FTO: variants seen among roughly 807,000 people sequenced by gnomAD.
FTO encodes alpha-ketoglutarate-dependent dioxygenase FTO.
In FTO, 47 loss-of-function variants were observed where a neutral mutation model predicts 63.9. The observed-to-expected ratio is 0.74, with a 90% CI of 0.58 to 0.94. The LOEUF (loss-of-function observed/expected upper bound fraction) is 0.94, where lower values mean the gene tolerates loss of function less well. Among genes scored for constraint, FTO ranks in the 40% least tolerant of loss-of-function variants. The pLI, the probability that FTO is intolerant of heterozygous loss-of-function variation, is 0.00. For synonymous variants in FTO, 207 were observed against 224.4 expected (o/e 0.92, Z 0.69); for missense variants, 562 against 618.1 (o/e 0.91, Z 0.96).
At position 53,825,110 on chromosome 16, in the gene FTO, C is replaced by G. The variant is rs536739467; in HGVS notation, c.124-754C>G. Among the ~76,000 whole-genome samples, 17 of 152,292 alleles carry G rather than the reference C, an allele frequency of 1.1e-4. 1 individual carries two copies. Among genetic ancestry groups the G allele is most frequent in the African/African-American group, 4.1e-4 (17 of 41,558 alleles). ...CAAATCCATTTATTCATTCCTTTAC[C>G]ATTTACTGAGTAAATTCTGGGCACT... On this transcript the variant is annotated intron_variant, in intron 2 of 8. Coordinates refer to ENST00000471389, the MANE Select transcript of FTO (RefSeq NM_001080432.3).
At chr16:53,914,280 T>G (rs766261938) in intron 7 of FTO, among the ~76,000 whole-genome samples, 8 of 152,014 alleles carry the variant, frequency 5.3e-5, no homozygotes, top group Non-Finnish European at 7.4e-5. Context: ...TTGTCCTGTT[T>G]CAAATTCTGT....
At chr16:53,757,499 G>A (rs1077129) in intron 1 of FTO, among the ~76,000 whole-genome samples, 58,890 of 151,098 alleles carry the variant, frequency 0.39, 12,183 homozygotes, top group Middle Eastern at 0.47. Flanking sequence ...TAATATGTGT[G>A]TATATATGAA....
intron 8 of FTO, chr16:54,008,393 C>T (rs1185917300): frequency 1.4e-5 from 2 of 141,070 alleles, no homozygotes; most frequent in Non-Finnish European, 3.0e-5. Context: ...TGTATGTTAC[C>T]TCACAATTTT....
Position 53,844,282 on chromosome 16 carries a change from C to CT in FTO, c.880dup (p.Cys294LeufsTer6). On this transcript the variant is annotated frameshift_variant, in exon 4 of 9. Transcript: ENST00000471389. LOFTEE classifies it high-confidence loss of function. ...TGGCGATACCCCTTCACCAAGGAGA[C>CT]TGCTATTTCATGCTTGGTAATCTTT... The CT allele has an allele frequency of 6.2e-7, 1 of 1,613,214 alleles. No individual in the cohort carries two copies. The highest frequency in any genetic ancestry group is 8.5e-7 in the Non-Finnish European group (1 of 1,179,224).
intron 3 of FTO, 137 bp from the exon 4 acceptor site, chr16:53,844,018 A>G: frequency 1.4e-6 from 1 of 710,674 alleles, no homozygotes; most frequent in South Asian, 2.0e-5. Flanking sequence ...TTTTAAAAAT[A>G]TGACATAAAG....
chr16:53,807,308 T>C (rs2078398871), intron 1 of FTO, among the ~76,000 whole-genome samples: 1 of 152,240 alleles, frequency 6.6e-6, no homozygotes, highest in African/African-American at 2.4e-5. Flanking sequence ...AGATCAATTA[T>C]ATGCTGCTTG....
At chr16:53,840,352 AATT>A (rs2079440046) in intron 3 of FTO, among the ~76,000 whole-genome samples, 2 of 152,154 alleles carry the variant, frequency 1.3e-5, no homozygotes, top group African/African-American at 4.8e-5. Flanking sequence ...ATTTAGCATT[AATT>A]ATTATACTGT....
At chr16:53,717,414 C>T (rs895495471) in intron 1 of FTO, among the ~76,000 whole-genome samples, 2 of 151,896 alleles carry the variant, frequency 1.3e-5, no homozygotes, top group African/African-American at 2.4e-5. Flanking sequence ...TTATATTGGC[C>T]AAATATAGTT....
intron 2 of FTO, among the ~76,000 whole-genome samples, chr16:53,823,761 C>T (rs2078929220): frequency 6.6e-6 from 1 of 152,120 alleles, no homozygotes; most frequent in South Asian, 2.1e-4. Flanking sequence ...TGGCGCATGC[C>T]TGTAATCTCA....
At chr16:53,894,910 G>GT (rs1344481936) in intron 7 of FTO, among the ~76,000 whole-genome samples, 1 of 152,140 alleles carries the variant, frequency 6.6e-6, no homozygotes, top group Non-Finnish European at 1.5e-5. Context: ...CAAAAATTCA[G>GT]TTTCTGAAAC....
intron 8 of FTO, among the ~76,000 whole-genome samples, chr16:54,035,014 G>A (rs1341662829): frequency 6.6e-6 from 1 of 152,146 alleles, no homozygotes; most frequent in Non-Finnish European, 1.5e-5. Flanking sequence ...AACCTGTTTT[G>A]TGTGCTGTAA....
intron 8 of FTO, among the ~76,000 whole-genome samples, chr16:53,990,342 G>C (rs2143896646): frequency 6.6e-6 from 1 of 152,294 alleles, no homozygotes; most frequent in East Asian, 1.9e-4. Context: ...AGATGAGGAT[G>C]CTAAAATTTG....
intron 1 of FTO, among the ~76,000 whole-genome samples, chr16:53,753,722 T>C (rs1478542581): frequency 6.6e-6 from 1 of 152,212 alleles, no homozygotes; most frequent in Non-Finnish European, 1.5e-5. Flanking sequence ...TTTAGCTATC[T>C]CTGACAAAGA....
At chr16:54,071,333 G>A (rs2085863034) in intron 8 of FTO, 1 of 152,214 alleles carries the variant, frequency 6.6e-6, no homozygotes, top group South Asian at 2.1e-4. Flanking sequence ...TAGCTGTCAG[G>A]AGTGGGACCA....
intron 8 of FTO, among the ~76,000 whole-genome samples, chr16:54,026,971 A>G (rs7199433): frequency 0.14 from 20,545 of 152,090 alleles, 2,940 homozygotes; most frequent in African/African-American, 0.36. Context: ...AAGCACTTTT[A>G]TCCCCAAGAG....
chr16:53,737,594 GT>G (rs1290365034), intron 1 of FTO, among the ~76,000 whole-genome samples: 7 of 152,336 alleles, frequency 4.6e-5, no homozygotes, highest in African/African-American at 1.4e-4. Flanking sequence ...GTCCGTTGTT[GT>G]CTGAAATACC....
At chr16:53,951,946 G>T (rs1174104731) in intron 8 of FTO, among the ~76,000 whole-genome samples, 3 of 152,050 alleles carry the variant, frequency 2.0e-5, no homozygotes, top group Non-Finnish European at 4.4e-5. Context: ...ATAAACTGGA[G>T]GGGTGCAGAA....
At chr16:53,851,820 A>G (rs1275004618) in intron 4 of FTO, among the ~76,000 whole-genome samples, 2 of 152,124 alleles carry the variant, frequency 1.3e-5, no homozygotes, top group African/African-American at 4.8e-5. Context: ...AAGATTTAAA[A>G]TGGAAAGTTG....
At chr16:53,960,299 A>T (rs1231384787) in intron 8 of FTO, among the ~76,000 whole-genome samples, 1 of 152,202 alleles carries the variant, frequency 6.6e-6, no homozygotes, top group Non-Finnish European at 1.5e-5. Context: ...AACCAGTGGG[A>T]TCATGTGTGC....
Sources: gnomAD v4.1 joint callset for allele counts (sites outside exome capture counted in the v4.1 genomes callset) on GRCh38, gnomAD v4.1.1 for gene constraint, MANE v1.5 for transcripts, NCBI Gene and HGNC (gene_info 2026-07-23, HGNC 2026-07-21) for gene names.